MAGI1: variants seen among roughly 807,000 people sequenced by gnomAD.
MAGI1 encodes the protein membrane associated guanylate kinase, WW and PDZ domain containing 1.
MAGI1 carries 58 observed loss-of-function variants against 139.9 expected under a neutral mutation model. The ratio of observed to expected loss-of-function variants is 0.41; its 90% CI spans 0.34 to 0.52. The LOEUF (loss-of-function observed/expected upper bound fraction) is 0.52. Among genes scored for constraint, MAGI1 ranks in the 20% least tolerant of loss-of-function variants. The pLI is 0.12. For synonymous variants in MAGI1, 812 were observed against 737.9 expected (o/e 1.10, Z -1.63); for missense variants, 1,874 against 1,901.6 (o/e 0.99, Z 0.27).
At chr3:65,826,731 G>A (rs1158622030) in intron 1 of MAGI1, among the ~76,000 whole-genome samples, 1 of 152,130 alleles carries the variant, frequency 6.6e-6, no homozygotes, top group Non-Finnish European at 1.5e-5. Context: ...TTGCAATTAG[G>A]ATATGCTAAC....
rs543453996 is a variant in MAGI1, at chr3:65,848,118, T to G, written c.313+189878A>C. ...AGGACAGGAAATTCATTTCCCCAAT[T>G]TATTGCCAGAATTAAAAAGAAGAAG... On this transcript the variant is annotated intron_variant, in intron 1 of 22. Transcript: ENST00000402939. Among the ~76,000 whole-genome samples, 9 of 152,260 alleles carry G rather than the reference T, an allele frequency of 5.9e-5. No homozygotes were observed. In the East Asian group the frequency reaches 1.7e-3, roughly 29 times the overall value.
intron 1 of MAGI1, among the ~76,000 whole-genome samples, chr3:65,723,639 C>T (rs1242798041): frequency 6.6e-6 from 1 of 152,196 alleles, no homozygotes; most frequent in Non-Finnish European, 1.5e-5. Flanking sequence ...CATCAGTCGA[C>T]ACAGATAATA....
In MAGI1 at chr3:65,937,561, G is replaced by A. The variant is rs564536579; in HGVS notation, c.313+100435C>T. ...GACCACAGGCACCGGCAGCCTCTGC[G>A]GTGTGAAGCCATCAGGGTGCATGTG... On this transcript the variant is annotated intron_variant, in intron 1 of 22. Coordinates refer to ENST00000402939, the MANE Select transcript of MAGI1 (RefSeq NM_001033057.2). 5.9e-5 allele frequency among the ~76,000 whole-genome samples: 9 copies of A among 152,222 alleles called. No homozygotes were observed. The East Asian group carries it at 1.2e-3, about 20-fold the overall frequency.
At chr3:65,530,663 ATATATATATACATATATATATACGTG>A (rs1559642237) in intron 2 of MAGI1, among the ~76,000 whole-genome samples, 3 of 121,606 alleles carry the variant, frequency 2.5e-5, no homozygotes, top group African/African-American at 8.1e-5. Context: ...GTGTGTGTGT[ATATATATATACATATATATATACGTG>A]TATATATATA....
intron 1 of MAGI1, among the ~76,000 whole-genome samples, chr3:65,976,126 GTC>G (rs1383262027): frequency 6.6e-6 from 1 of 152,140 alleles, no homozygotes; most frequent in Non-Finnish European, 1.5e-5. Flanking sequence ...ACTCGGCTAT[GTC>G]TCTCTGCACT....
intron 1 of MAGI1, among the ~76,000 whole-genome samples, chr3:65,919,638 G>A (rs1271353200): frequency 3.3e-5 from 5 of 151,664 alleles, no homozygotes; most frequent in African/African-American, 1.2e-4. Context: ...AAGGTATCAG[G>A]AGGTAACTTG....
intron 1 of MAGI1, among the ~76,000 whole-genome samples, chr3:65,827,706 C>T (rs1658527607): frequency 6.6e-6 from 1 of 152,102 alleles, no homozygotes; most frequent in South Asian, 2.1e-4. Flanking sequence ...CAATAAAGTC[C>T]CAAGCTACAA....
In MAGI1 at chr3:65,429,820, C is replaced by T; in HGVS notation, c.1867G>A (p.Gly623Ser). 6.2e-7 allele frequency: 1 copy of T among 1,613,964 alleles called. No homozygotes were observed. The highest frequency in any genetic ancestry group is 8.5e-7 in the Non-Finnish European group (1 of 1,179,958). ...PADVASNSSH[G>S]YPNDTVSLAS... is the part of the protein sequence containing the mutation. ...AAAGAAACAGTGTCATTAGGATAAC[C>T]ATGAGAACTATTTGAAGCCACGTCC... Residue 623 changes from glycine to serine, a missense_variant, in exon 12 of 23, where the codon GGT (glycine) becomes AGT (serine). Physicochemically the swap from Gly to Ser is moderately conservative, Grantham distance 56 (BLOSUM62 0). Transcript: ENST00000402939.
chr3:65,407,168 A>G (rs1257753910), intron 12 of MAGI1, among the ~76,000 whole-genome samples: 1 of 152,092 alleles, frequency 6.6e-6, no homozygotes, highest in African/African-American at 2.4e-5. Flanking sequence ...GGAAACAGGC[A>G]GGGCGCGGAG....
At chr3:65,905,217 G>T (rs1203116644) in intron 1 of MAGI1, among the ~76,000 whole-genome samples, 1 of 152,158 alleles carries the variant, frequency 6.6e-6, no homozygotes, top group Non-Finnish European at 1.5e-5. Flanking sequence ...TCTCAAACTA[G>T]TTGTGAGAAA....
At chr3:65,362,479 G>A (rs1395302280) in intron 21 of MAGI1, among the ~76,000 whole-genome samples, 1 of 152,036 alleles carries the variant, frequency 6.6e-6, no homozygotes, top group Non-Finnish European at 1.5e-5. Context: ...CAAAAGAAAA[G>A]AATATGAGAG....
chr3:65,655,220 G>T (rs189548653), intron 1 of MAGI1, among the ~76,000 whole-genome samples: 1 of 152,114 alleles, frequency 6.6e-6, no homozygotes, highest in Non-Finnish European at 1.5e-5. Context: ...AGACAGAGAC[G>T]TAGAGCGGAG....
chr3:65,974,568 A>C (rs1251524153), intron 1 of MAGI1, among the ~76,000 whole-genome samples: 7 of 152,172 alleles, frequency 4.6e-5, no homozygotes, highest in African/African-American at 9.7e-5. Context: ...CAGGAATCCA[A>C]GACTGGCCTA....
In MAGI1 at chr3:65,797,617, G is replaced by A. The variant is rs1033195544; in HGVS notation, c.314-175529C>T. On this transcript the variant is annotated intron_variant, in intron 1 of 22. Coordinates refer to ENST00000402939, the MANE Select transcript of MAGI1 (RefSeq NM_001033057.2). ...TGTAATCCCAGCTACCTGGGAGACT[G>A]AGGTCAGGTGATCACCTGAGCCTTG... 2.6e-5 allele frequency among the ~76,000 whole-genome samples: 4 copies of A among 152,014 alleles called. No individual in the cohort carries two copies. The South Asian group carries it at 8.3e-4, about 32-fold the overall frequency.
At chr3:65,672,746 C>T (rs773361561) in intron 1 of MAGI1, among the ~76,000 whole-genome samples, 3 of 152,248 alleles carry the variant, frequency 2.0e-5, no homozygotes, top group East Asian at 3.9e-4. Context: ...AAACTGATTT[C>T]GGAGGAAACA....
intron 12 of MAGI1, among the ~76,000 whole-genome samples, chr3:65,427,970 G>C (rs1339307818): frequency 6.6e-6 from 1 of 152,102 alleles, no homozygotes; most frequent in Admixed American, 6.5e-5. Flanking sequence ...AAAATTAGTT[G>C]GTGGAAATGA....
chr3:65,920,756 C>G (rs1243741862), intron 1 of MAGI1, among the ~76,000 whole-genome samples: 1 of 152,150 alleles, frequency 6.6e-6, no homozygotes, highest in Non-Finnish European at 1.5e-5. Context: ...AATGGCAGGG[C>G]GCAGTGGCTC....
At chr3:65,987,895 T>C (rs1432269470) in intron 1 of MAGI1, among the ~76,000 whole-genome samples, 1 of 152,192 alleles carries the variant, frequency 6.6e-6, no homozygotes, top group Non-Finnish European at 1.5e-5. Flanking sequence ...TAAAAATTAG[T>C]GTGGTAAAGT....
Position 65,738,941 on chromosome 3 carries a change from T to C in MAGI1, c.314-116853A>G, listed in dbSNP as rs569839714. On this transcript the variant is annotated intron_variant, in intron 1 of 22. Coordinates refer to ENST00000402939, the MANE Select transcript of MAGI1 (RefSeq NM_001033057.2). ...GAATCTTCAGAATAGTCAATGAGCA[T>C]TGGCTTCAACTTCAAGTCACCAGCT... Among the ~76,000 whole-genome samples the C allele has an allele frequency of 2.0e-4, 30 of 152,326 alleles. No homozygotes were observed. The South Asian group carries it at 5.8e-3, about 29-fold the overall frequency.
Sources: allele counts gnomAD v4.1 joint callset (sites outside exome capture counted in the v4.1 genomes callset), GRCh38; gene constraint gnomAD v4.1.1; transcripts MANE v1.5; gene names NCBI Gene and HGNC (gene_info 2026-07-23, HGNC 2026-07-21).